The following TAX1BP1 variants were observed in gnomAD, a reference collection of about 807,000 sequenced individuals.
TAX1BP1 encodes the protein tax1-binding protein 1.
TAX1BP1 carries 62 observed loss-of-function variants against 97.7 expected under a neutral mutation model. The ratio of observed to expected loss-of-function variants is 0.63; its 90% CI spans 0.52 to 0.78. The LOEUF (loss-of-function observed/expected upper bound fraction) is 0.78. Among genes scored for constraint, TAX1BP1 ranks in the 30% least tolerant of loss-of-function variants. The pLI is 0.00. For missense variants in TAX1BP1, 867 were observed against 916.1 expected, an observed-to-expected ratio of 0.95 and a Z score of 0.69; for synonymous variants, 340 against 304.2, an observed-to-expected ratio of 1.12 and a Z score of -1.23.
intron 1 of TAX1BP1, among the ~76,000 whole-genome samples, chr7:27,743,643 A>G (rs1245410277): frequency 1.3e-5 from 2 of 152,262 alleles, no homozygotes; most frequent in African/African-American, 2.4e-5. Context: ...ATGAACAGTA[A>G]AATGAACCGA....
At chr7:27,795,684 C>G (rs1389092004) in intron 11 of TAX1BP1, among the ~76,000 whole-genome samples, 1 of 152,080 alleles carries the variant, frequency 6.6e-6, no homozygotes, top group Non-Finnish European at 1.5e-5. Context: ...TCCTGAGTAG[C>G]TGGGACTACA....
chr7:27,770,865 C>CTT (rs1788818473), intron 5 of TAX1BP1, among the ~76,000 whole-genome samples: 1 of 151,998 alleles, frequency 6.6e-6, no homozygotes, highest in African/African-American at 2.4e-5. Flanking sequence ...AATGTGAAGT[C>CTT]TTCAATTCTG....
chr7:27,800,382 C>T (rs1790087269), intron 13 of TAX1BP1, among the ~76,000 whole-genome samples: 1 of 151,884 alleles, frequency 6.6e-6, no homozygotes, highest in South Asian at 2.1e-4. Context: ...GATCATTATC[C>T]TCCTGTTCAT....
chr7:27,781,148 A>G (rs1358292711), intron 5 of TAX1BP1, among the ~76,000 whole-genome samples: 1 of 152,160 alleles, frequency 6.6e-6, no homozygotes, highest in East Asian at 1.9e-4. Flanking sequence ...CAACCACAAA[A>G]ATAGTGCTTG....
At chr7:27,816,058 G>A (rs998976620) in intron 13 of TAX1BP1, among the ~76,000 whole-genome samples, 2 of 152,124 alleles carry the variant, frequency 1.3e-5, no homozygotes, top group African/African-American at 4.8e-5. Context: ...TACCTAAGTT[G>A]TAAGAGATTC....
intron 5 of TAX1BP1, among the ~76,000 whole-genome samples, chr7:27,771,097 A>ATTTTTTTTTTTTT (rs57751582): frequency 3.0e-4 from 12 of 40,618 alleles, no homozygotes; most frequent in Non-Finnish European, 4.5e-4. Context: ...ACATTCAGCA[A>ATTTTTTTTTTTTT]TTTTTTTTTT....
chr7:27,773,359 A>G (rs1788913988), intron 5 of TAX1BP1, among the ~76,000 whole-genome samples: 1 of 152,118 alleles, frequency 6.6e-6, no homozygotes, highest in East Asian at 1.9e-4. Flanking sequence ...ATGTATTTAC[A>G]AAATCATGCA....
intron 13 of TAX1BP1, among the ~76,000 whole-genome samples, chr7:27,804,618 C>A (rs757044688): frequency 6.6e-6 from 1 of 152,148 alleles, no homozygotes; most frequent in Non-Finnish European, 1.5e-5. Context: ...CTTATTCACA[C>A]GTAATTCACA....
intron 3 of TAX1BP1, among the ~76,000 whole-genome samples, chr7:27,758,849 C>G (rs1461806629): frequency 6.6e-6 from 1 of 151,952 alleles, no homozygotes; most frequent in Non-Finnish European, 1.5e-5. Context: ...TAGAGAGTTT[C>G]AGTTTTAAAA....
intron 1 of TAX1BP1, 88 bp downstream of exon 1, chr7:27,740,357 C>T (rs1434118251): frequency 6.6e-6 from 1 of 152,416 alleles, no homozygotes; most frequent in Non-Finnish European, 1.5e-5. Context: ...CACCCTTCAG[C>T]CCCTGTACTG....
intron 5 of TAX1BP1, chr7:27,772,618 CTT>C (rs1298240917): frequency 3.3e-5 from 5 of 151,982 alleles, no homozygotes; most frequent in African/African-American, 1.2e-4. Flanking sequence ...ATCACATTGA[CTT>C]TTATCACTCT....
chr7:27,743,673 T>G, intron 1 of TAX1BP1, among the ~76,000 whole-genome samples: 1 of 152,254 alleles, frequency 6.6e-6, no homozygotes, highest in Non-Finnish European at 1.5e-5. Flanking sequence ...AATCTTGTTT[T>G]ATTACCCCCT....
intron 13 of TAX1BP1, among the ~76,000 whole-genome samples, chr7:27,807,787 A>G (rs544666053): frequency 6.6e-6 from 1 of 152,104 alleles, no homozygotes; most frequent in Non-Finnish European, 1.5e-5. Context: ...TTCTATATTG[A>G]TTAGAATTTT....
chr7:27,817,141 C>A, intron 15 of TAX1BP1, 103 bp downstream of exon 15: 1 of 1,349,954 alleles, frequency 7.4e-7, no homozygotes, highest in Non-Finnish European at 1.0e-6. Context: ...TGCGTGCATG[C>A]GTGTGTGTGG....
intron 15 of TAX1BP1, among the ~76,000 whole-genome samples, chr7:27,820,160 A>G (rs755122655): frequency 6.6e-6 from 1 of 152,188 alleles, no homozygotes; most frequent in Non-Finnish European, 1.5e-5. Context: ...CCCTTAATTC[A>G]TATCTTACTT....
intron 3 of TAX1BP1, among the ~76,000 whole-genome samples, chr7:27,762,657 AAC>A (rs1788471091): frequency 6.6e-6 from 1 of 152,236 alleles, no homozygotes; most frequent in Non-Finnish European, 1.5e-5. Context: ...ATACTTTAAA[AAC>A]ATTTTTGGGC....
chr7:27,794,424 T>C lies in TAX1BP1; in HGVS notation c.1512T>C (p.Asp504=), dbSNP rs745755867. 6.2e-7 allele frequency: 1 copy of C among 1,609,682 alleles called. No individual in the cohort carries two copies. The highest frequency in any genetic ancestry group is 2.2e-5 in the East Asian group (1 of 44,782). ...CAGCCACTTCTGCCTCTACTGTAGA[T>C]GTAAAGCCATCACCTTCTGCAGGTA... ...TDPATSASTV[D]VKPSPSAAEA... is the part of the protein sequence containing the mutation. Residue 504 remains aspartate, a synonymous_variant, in exon 11 of 17, where the codon GAT becomes GAC. Transcript: ENST00000396319.
rs550825691 is a variant in TAX1BP1, at chr7:27,802,759, A to G, written c.1764+2669A>G. Among the ~76,000 whole-genome samples, 11 of 152,264 alleles carry G rather than the reference A, an allele frequency of 7.2e-5. No homozygotes were observed. In the South Asian group the frequency reaches 2.3e-3, roughly 32 times the overall value. On this transcript the variant is annotated intron_variant, in intron 13 of 16. Coordinates refer to ENST00000396319, the MANE Select transcript of TAX1BP1 (RefSeq NM_006024.7). Reference sequence around the variant, plus strand: ...TTTATTCCCGGGGGCGTGATATTTGAAGGTTTGGAAGAAGGTGAGTTTTCA... The same window carrying G: ...TTTATTCCCGGGGGCGTGATATTTGGAGGTTTGGAAGAAGGTGAGTTTTCA...
chr7:27,740,555 T>G (rs1787537805), intron 1 of TAX1BP1, among the ~76,000 whole-genome samples: 1 of 151,790 alleles, frequency 6.6e-6, no homozygotes, highest in Non-Finnish European at 1.5e-5. Flanking sequence ...CCTTCGCGAT[T>G]TGGGGGAGGC....
Sources: allele counts gnomAD v4.1 joint callset (sites outside exome capture counted in the v4.1 genomes callset), GRCh38; gene constraint gnomAD v4.1.1; transcripts MANE v1.5; gene names NCBI Gene and HGNC (gene_info 2026-07-23, HGNC 2026-07-21).